Variants in ACOT12 observed in about 807,000 individuals in gnomAD.
ACOT12 encodes the protein acetyl-coenzyme A thioesterase.
ACOT12 carries 51 observed loss-of-function variants against 67.7 expected under a neutral mutation model. The observed-to-expected ratio is 0.75, with a 90% CI of 0.60 to 0.95. The LOEUF is 0.95. Among genes scored for constraint, ACOT12 ranks in the 40% least tolerant of loss-of-function variants. ACOT12 has a pLI of 0.00. For synonymous variants in ACOT12, 251 were observed against 244.6 expected, an observed-to-expected ratio of 1.03 and a Z score of -0.24; for missense variants, 734 against 708.1, an observed-to-expected ratio of 1.04 and a Z score of -0.41.
intron 3 of ACOT12, among the ~76,000 whole-genome samples, chr5:81,366,903 G>A (rs1274265436): frequency 6.6e-6 from 1 of 152,088 alleles, no homozygotes; most frequent in Non-Finnish European, 1.5e-5. Context: ...AGTGACCCGT[G>A]GAACACTAAC....
chr5:81,361,755 C>G (rs1172869433), intron 4 of ACOT12, among the ~76,000 whole-genome samples: 6 of 152,212 alleles, frequency 3.9e-5, no homozygotes, highest in Non-Finnish European at 8.8e-5. Context: ...CTTAGTAAGG[C>G]TTTGCATGAG....
At chr5:81,329,111 C>G (rs1262455444), downstream of ACOT12, among the ~76,000 whole-genome samples, 2 of 152,162 alleles carry the variant, frequency 1.3e-5, no homozygotes, top group Non-Finnish European at 2.9e-5. Flanking sequence ...TATCATCACT[C>G]TACTCCTTTA....
chr5:81,323,034 A>AGAT, the ACOT12 span, among the ~76,000 whole-genome samples: 1 of 149,148 alleles, frequency 6.7e-6, no homozygotes, highest in Non-Finnish European at 1.5e-5. Flanking sequence ...GTGAGAGAAT[A>AGAT]GATAAATGCA....
chr5:81,355,240 T>G (rs890703469), intron 5 of ACOT12, among the ~76,000 whole-genome samples: 7 of 152,230 alleles, frequency 4.6e-5, no homozygotes, highest in African/African-American at 9.6e-5. Flanking sequence ...CATTTAATGC[T>G]CCCATAAACC....
At chr5:81,318,691 G>C in the ACOT12 span, among the ~76,000 whole-genome samples, 1 of 152,180 alleles carries the variant, frequency 6.6e-6, no homozygotes, top group African/African-American at 2.4e-5. Flanking sequence ...TAGGGGTCAT[G>C]ATTCTCCTTA....
intron 5 of ACOT12, among the ~76,000 whole-genome samples, chr5:81,354,923 C>T (rs1343693290): frequency 6.6e-6 from 1 of 152,094 alleles, no homozygotes; most frequent in Non-Finnish European, 1.5e-5. Flanking sequence ...AACTCCTGAT[C>T]TCAAGTGATC....
intron 4 of ACOT12, among the ~76,000 whole-genome samples, chr5:81,361,256 A>G (rs1759900156): frequency 2.7e-5 from 4 of 150,920 alleles, no homozygotes; most frequent in Admixed American, 2.6e-4. Context: ...TCTGTTGCCC[A>G]GGCTGGAGCA....
chr5:81,334,670 T>C (rs763945082), intron 12 of ACOT12, among the ~76,000 whole-genome samples: 1 of 152,238 alleles, frequency 6.6e-6, no homozygotes, highest in African/African-American at 2.4e-5. Flanking sequence ...GCCTCTATCT[T>C]GTCAAGATTA....
intron 1 of ACOT12, among the ~76,000 whole-genome samples, chr5:81,392,356 G>A (rs1379318715): frequency 2.0e-5 from 3 of 152,260 alleles, no homozygotes; most frequent in South Asian, 2.1e-4. Flanking sequence ...TAACACAGGC[G>A]TTATTCATGT....
chr5:81,372,072 A>G (rs1760271542), intron 2 of ACOT12, among the ~76,000 whole-genome samples: 2 of 152,228 alleles, frequency 1.3e-5, no homozygotes, highest in African/African-American at 4.8e-5. Flanking sequence ...AGTGTGCGAC[A>G]TGACTCCAAA....
chr5:81,342,355 G>A (rs1285959975), intron 11 of ACOT12, among the ~76,000 whole-genome samples: 1 of 152,150 alleles, frequency 6.6e-6, no homozygotes, highest in East Asian at 1.9e-4. Flanking sequence ...GTCAAGTGTG[G>A]CAGTTGAGGC....
At chr5:81,339,296 C>T (rs899190089) in intron 11 of ACOT12, among the ~76,000 whole-genome samples, 1 of 152,180 alleles carries the variant, frequency 6.6e-6, no homozygotes, top group Non-Finnish European at 1.5e-5. Flanking sequence ...CCCAGCCCCT[C>T]CCCCGGCTCC....
chr5:81,363,759 C>T (rs767551966), intron 4 of ACOT12, 29 bp downstream of exon 4: 17 of 1,538,816 alleles, frequency 1.1e-5, no homozygotes, highest in South Asian at 6.9e-5. Flanking sequence ...GAATTACATG[C>T]TAGATACATC....
chr5:81,384,874 C>A (rs145217915), intron 2 of ACOT12, among the ~76,000 whole-genome samples: 10 of 152,164 alleles, frequency 6.6e-5, no homozygotes, highest in African/African-American at 2.2e-4. Context: ...AGGGTCCTTG[C>A]GATACACTGT....
Position 81,363,868 on chromosome 5 carries a change from G to T in ACOT12, c.280C>A (p.Gln94Lys), listed in dbSNP as rs1759994252. The change falls in exon 4 of 15, where the codon CAG (glutamine) becomes AAG (lysine). Residue 94 changes from glutamine (Q) to lysine (K), a missense_variant. Physicochemically the swap from Gln to Lys is moderately conservative, Grantham distance 53. Coordinates refer to ENST00000307624, the MANE Select transcript of ACOT12 (RefSeq NM_130767.3). ...SMEISIKVMVQDMLTGIEKLV... is the reference protein window; with the variant it reads ...SMEISIKVMVKDMLTGIEKLV... ...TTCTCAATGCCAGTGAGCATATCCT[G>T]TACCATGACCTTGATACTGATCTAA... 3 of 1,608,134 alleles carry T rather than the reference G, an allele frequency of 1.9e-6. No individual in the cohort carries two copies. The highest frequency in any genetic ancestry group is 1.3e-5 in the African/African-American group (1 of 74,650).
chr5:81,344,046 C>A, intron 9 of ACOT12, 114 bp downstream of exon 9: 1 of 1,312,952 alleles, frequency 7.6e-7, no homozygotes, highest in South Asian at 1.3e-5. Flanking sequence ...GGCCAGGAAA[C>A]ATCAGACCTT....
At position 81,345,952 on chromosome 5, in the gene ACOT12, G is replaced by A. The variant is rs770465905; in HGVS notation, c.706C>T (p.Arg236Trp). The A allele has an allele frequency of 1.6e-5, 26 of 1,613,848 alleles. No individual in the cohort carries two copies. The East Asian group carries it at 3.1e-4, about 19-fold the overall frequency. Reference protein sequence around the residue: ...FLKSVDMFKFRGPSTVGDRLV... With the variant: ...FLKSVDMFKFWGPSTVGDRLV... ...CGATCTCCAACTGTAGATGGTCCCCGGAACTTAAACATATCTACGGACTTC... is the reference window on the plus strand; with the variant it reads ...CGATCTCCAACTGTAGATGGTCCCCAGAACTTAAACATATCTACGGACTTC... The change falls in exon 7 of 15, where the codon CGG (arginine) becomes TGG (tryptophan). Residue 236 changes from arginine to tryptophan, a missense_variant. Arg to Trp is a moderately radical substitution (Grantham distance 101, BLOSUM62 -3). Transcript: ENST00000307624.
At chr5:81,350,632 C>G (rs1759523759) in intron 5 of ACOT12, among the ~76,000 whole-genome samples, 1 of 152,086 alleles carries the variant, frequency 6.6e-6, no homozygotes, top group Non-Finnish European at 1.5e-5. Flanking sequence ...AGCTGCAGAT[C>G]CCCTGGGGTC....
chr5:81,328,702 T>A (rs1758733954), downstream of ACOT12, among the ~76,000 whole-genome samples: 1 of 152,182 alleles, frequency 6.6e-6, no homozygotes, highest in Admixed American at 6.5e-5. Context: ...GTCCTATGTT[T>A]TTGTTCAGAA....
Sources: gnomAD v4.1 joint callset for allele counts (sites outside exome capture counted in the v4.1 genomes callset) on GRCh38, gnomAD v4.1.1 for gene constraint, MANE v1.5 for transcripts, NCBI Gene and HGNC (gene_info 2026-07-23, HGNC 2026-07-21) for gene names.